Variants in MYH10 observed in about 807,000 individuals in gnomAD.
MYH10 encodes myosin heavy chain 10, also known as myosin-10.
MYH10 carries 55 observed loss-of-function variants against 257.8 expected under a neutral mutation model. The ratio of observed to expected loss-of-function variants is 0.21; its 90% CI spans 0.17 to 0.27. The LOEUF (loss-of-function observed/expected upper bound fraction) is 0.27, where lower values mean the gene tolerates loss of function less well. Ranked by LOEUF, MYH10 falls within the 10% of genes least tolerant of loss-of-function variation. The pLI is 1.00. For missense variants in MYH10, 1,631 were observed against 2,500.6 expected, an observed-to-expected ratio of 0.65 and a Z score of 7.42; for synonymous variants, 854 against 921.7, an observed-to-expected ratio of 0.93 and a Z score of 1.33.
intron 31 of MYH10, 48 bp from the exon 32 acceptor site, chr17:8,493,933 A>C (rs775032645): frequency 5.8e-6 from 9 of 1,560,636 alleles, no homozygotes; most frequent in Middle Eastern, 1.7e-4. Context: ...TTTATCACCA[A>C]AACAAATACA....
At chr17:8,591,666 A>G (rs945931654) in intron 3 of MYH10, among the ~76,000 whole-genome samples, 3 of 152,140 alleles carry the variant, frequency 2.0e-5, no homozygotes, top group African/African-American at 4.8e-5. Context: ...AATTCATTCA[A>G]AATGGCGTTC....
chr17:8,618,819 T>C (rs1438458791), intron 2 of MYH10, among the ~76,000 whole-genome samples: 2 of 152,348 alleles, frequency 1.3e-5, no homozygotes, highest in African/African-American at 2.4e-5. Context: ...TTTTTAAGTA[T>C]TGACATGCTG....
rs761087448 is a variant in MYH10 at position 8,490,573 on chromosome 17, G to T, written c.4672-21C>A. 3.7e-6 allele frequency: 6 copies of T among 1,610,316 alleles called. No individual in the cohort carries two copies. Among genetic ancestry groups the T allele is most frequent in the Middle Eastern group, 3.3e-4 (2 of 6,076 alleles). ...TGAACCTAAACCACCGAAGCATCAG[G>T]AAAGAGTTGACCGGGGTGGAGGCAC... On this transcript the variant is annotated intron_variant, in intron 34 of 42. Transcript: ENST00000360416. This position sits in a 1 kb window ranked among gnomAD's most constrained non-coding sequence, Gnocchi z 4.1.
intron 9 of MYH10, among the ~76,000 whole-genome samples, chr17:8,550,941 A>G (rs1333850098): frequency 6.6e-6 from 1 of 151,934 alleles, no homozygotes; most frequent in South Asian, 2.1e-4. Flanking sequence ...GCTTGAAGGC[A>G]GCATGCTCCT....
intron 16 of MYH10, among the ~76,000 whole-genome samples, chr17:8,533,963 A>G (rs936551346): frequency 1.2e-4 from 18 of 152,128 alleles, no homozygotes; most frequent in East Asian, 5.8e-4. Context: ...TCTTCCTCAC[A>G]TATTTCCCAT....
chr17:8,517,324 A>G (rs946260431), intron 21 of MYH10, among the ~76,000 whole-genome samples: 1 of 152,126 alleles, frequency 6.6e-6, no homozygotes, highest in Non-Finnish European at 1.5e-5. Context: ...AGCCCTCTTG[A>G]CCACTATCTG....
At position 8,476,996 on chromosome 17, in the gene MYH10, G is replaced by C. The variant is rs746969925; in HGVS notation, c.5759C>G (p.Ala1920Gly). The C allele has an allele frequency of 6.2e-7, 1 of 1,614,168 alleles. No homozygotes were observed. Among genetic ancestry groups the C allele is most frequent in the Non-Finnish European group, 8.5e-7 (1 of 1,180,048 alleles). Residue 1920 changes from alanine (A) to glycine (G), a missense_variant, in exon 42 of 43, where the codon GCA becomes GGA. Transcript: ENST00000360416. ...MKQLKRQLEEAEEEATRANAS... is the reference protein window; with the variant it reads ...MKQLKRQLEEGEEEATRANAS... ...GTTGGCACGCGTCGCTTCTTCTTCT[G>C]CTTCCTCCAGCTGGCGTTTAAGCTG... is the stretch of plus-strand genomic sequence containing the variant.
intron 31 of MYH10, 61 bp downstream of exon 31, chr17:8,495,076 C>T: frequency 9.7e-7 from 1 of 1,028,202 alleles, no homozygotes; most frequent in East Asian, 2.4e-5. Flanking sequence ...GCATATTTCA[C>T]CAGCTTATAT....
intron 7 of MYH10, among the ~76,000 whole-genome samples, chr17:8,558,940 G>C (rs935443468): frequency 2.0e-5 from 3 of 151,974 alleles, no homozygotes; most frequent in Non-Finnish European, 4.4e-5. Context: ...GGTACATATT[G>C]GTACAGAAAC....
intron 2 of MYH10, among the ~76,000 whole-genome samples, chr17:8,619,819 G>C (rs188521444): frequency 6.6e-6 from 1 of 152,080 alleles, no homozygotes; most frequent in Admixed American, 6.6e-5. Context: ...CTAGCTGATA[G>C]GGAGGCTGAG....
chr17:8,627,936 G>A (rs1363054336), intron 1 of MYH10, among the ~76,000 whole-genome samples: 1 of 152,228 alleles, frequency 6.6e-6, no homozygotes, highest in African/African-American at 2.4e-5. Flanking sequence ...CAGCTAACAA[G>A]TAGCAGAGCT....
intron 2 of MYH10, among the ~76,000 whole-genome samples, chr17:8,607,423 G>A (rs1377268938): frequency 6.6e-6 from 1 of 152,150 alleles, no homozygotes; most frequent in East Asian, 1.9e-4. Context: ...GAGAGAATAA[G>A]TCTCACAAAT....
intron 3 of MYH10, among the ~76,000 whole-genome samples, chr17:8,592,967 A>ATATT (rs2084226997): frequency 7.9e-6 from 1 of 127,262 alleles, no homozygotes; most frequent in African/African-American, 2.8e-5. Flanking sequence ...ATATATATAT[A>ATATT]TATAAAAGAT....
intron 3 of MYH10, among the ~76,000 whole-genome samples, chr17:8,594,212 A>C (rs1411952771): frequency 1.3e-5 from 2 of 152,244 alleles, no homozygotes; most frequent in Non-Finnish European, 2.9e-5. Flanking sequence ...ATCCAATAAA[A>C]GACTTATATC....
At chr17:8,589,031 C>T (rs562186808) in intron 4 of MYH10, 50 bp downstream of exon 4, 1 of 1,592,124 alleles carries the variant, frequency 6.3e-7, no homozygotes, top group Admixed American at 1.7e-5. Context: ...ATAGTTGCTC[C>T]ACTTTCCAAG....
intron 28 of MYH10, among the ~76,000 whole-genome samples, chr17:8,502,223 C>A (rs753253675): frequency 6.6e-6 from 1 of 152,210 alleles, no homozygotes; most frequent in East Asian, 1.9e-4. Flanking sequence ...TCTGCAGGGG[C>A]TGGCTGAGAG....
At chr17:8,594,599 A>G (rs2084289139) in intron 3 of MYH10, among the ~76,000 whole-genome samples, 2 of 152,228 alleles carry the variant, frequency 1.3e-5, no homozygotes, top group African/African-American at 4.8e-5. Flanking sequence ...AAATGAAATG[A>G]AAACTTATGC....
chr17:8,602,346 G>A (rs940428949), intron 3 of MYH10, among the ~76,000 whole-genome samples: 5 of 152,128 alleles, frequency 3.3e-5, no homozygotes, highest in Admixed American at 2.6e-4. Flanking sequence ...TAGATCAGTG[G>A]GGCCACGTGC....
At chr17:8,505,624 T>A (rs1038053246) in intron 27 of MYH10, among the ~76,000 whole-genome samples, 60 of 152,256 alleles carry the variant, frequency 3.9e-4, no homozygotes, top group Non-Finnish European at 8.7e-4. Context: ...TAGAACTGAT[T>A]ATTGAATCAT....
Sources: allele counts gnomAD v4.1 joint callset (sites outside exome capture counted in the v4.1 genomes callset), GRCh38; gene constraint gnomAD v4.1.1; non-coding constraint Gnocchi (gnomAD v3.1); transcripts MANE v1.5; gene names NCBI Gene and HGNC (gene_info 2026-07-23, HGNC 2026-07-21).